Variants in FBXO47 observed in about 807,000 individuals in gnomAD.
The protein encoded by FBXO47 is F-box only protein 47.
Under a neutral mutation model 53.9 loss-of-function variants are expected in FBXO47, and 34 were observed. The ratio of observed to expected loss-of-function variants is 0.63; its 90% CI spans 0.48 to 0.84. The LOEUF is 0.84. Among genes scored for constraint, FBXO47 ranks in the 40% least tolerant of loss-of-function variants. The pLI, the probability that FBXO47 is intolerant of heterozygous loss-of-function variation, is 0.00. For synonymous variants in FBXO47, 165 were observed against 181.6 expected, an observed-to-expected ratio of 0.91 and a Z score of 0.73; for missense variants, 485 against 541.3, an observed-to-expected ratio of 0.90 and a Z score of 1.03.
chr17:38,949,157 C>T (rs180963441), intron 6 of FBXO47, among the ~76,000 whole-genome samples: 23 of 152,176 alleles, frequency 1.5e-4, no homozygotes, highest in African/African-American at 5.1e-4. Flanking sequence ...TGGCTCATGC[C>T]TGTAATTCCA....
intron 9 of FBXO47, among the ~76,000 whole-genome samples, chr17:38,942,284 AT>A (rs1207764057): frequency 4.6e-5 from 7 of 152,132 alleles, no homozygotes; most frequent in Admixed American, 3.3e-4. Flanking sequence ...GATTCCAAAT[AT>A]TATAGTTTAT....
intron 10 of FBXO47, among the ~76,000 whole-genome samples, chr17:38,938,153 T>C (rs542724723): frequency 1.1e-3 from 161 of 152,304 alleles, no homozygotes; most frequent in South Asian, 2.1e-3. Flanking sequence ...AAGCCTTAGT[T>C]TTCTCATCTG....
intron 3 of FBXO47, among the ~76,000 whole-genome samples, chr17:38,959,945 T>C (rs1305708244): frequency 2.0e-5 from 3 of 151,988 alleles, no homozygotes; most frequent in Non-Finnish European, 4.4e-5. Context: ...TTTTTTCAGC[T>C]TTCAGCTGGG....
chr17:38,963,272 A>C (rs1342956961), intron 1 of FBXO47, among the ~76,000 whole-genome samples: 5 of 151,588 alleles, frequency 3.3e-5, no homozygotes, highest in Non-Finnish European at 7.4e-5. Context: ...CCACCTCCCG[A>C]GTTCAAGTGG....
chr17:38,955,748 A>T (rs1274958127), intron 4 of FBXO47, among the ~76,000 whole-genome samples: 1 of 151,726 alleles, frequency 6.6e-6, no homozygotes, highest in Non-Finnish European at 1.5e-5. Context: ...TCACGAGGTC[A>T]GGAGTTCGAG....
chr17:38,951,817 A>G, intron 5 of FBXO47, 128 bp from the exon 6 acceptor site: 1 of 598,372 alleles, frequency 1.7e-6, no homozygotes, highest in South Asian at 2.0e-5. Flanking sequence ...GATCACCTGC[A>G]GTCAGGAGTT....
rs1030024882 is a variant in FBXO47, at chr17:38,951,044, G to T, written c.616+537C>A. Among the ~76,000 whole-genome samples, 3 of 151,980 alleles carry T rather than the reference G, an allele frequency of 2.0e-5. No individual in the cohort carries two copies. The South Asian group carries it at 6.2e-4, about 32-fold the overall frequency. ...GCCTCCTGAGCAGCTGAAACTACAG[G>T]TACATGCTATCATGGCTGGCTAATT... On this transcript the variant is annotated intron_variant, in intron 6 of 10. Coordinates refer to ENST00000378079, the MANE Select transcript of FBXO47 (RefSeq NM_001008777.3).
At chr17:38,949,761 G>T (rs1905144115) in intron 6 of FBXO47, among the ~76,000 whole-genome samples, 1 of 152,148 alleles carries the variant, frequency 6.6e-6, no homozygotes, top group Admixed American at 6.6e-5. Flanking sequence ...CTGAGACAGT[G>T]TCTCACTCCA....
In FBXO47 at chr17:38,967,381, G is replaced by C. The variant is rs1013505375; in HGVS notation, c.-179C>G. ...AGGCGAGAGGGTCACACTCCCGTAGGCTCCGGAGCTGCAGCCCTACCCACC... is the reference window on the plus strand; with the variant it reads ...AGGCGAGAGGGTCACACTCCCGTAGCCTCCGGAGCTGCAGCCCTACCCACC... On this transcript the variant is annotated 5_prime_UTR_variant, in exon 1 of 11. Coordinates refer to ENST00000378079, the MANE Select transcript of FBXO47 (RefSeq NM_001008777.3). 3.9e-5 allele frequency: 6 copies of C among 152,040 alleles called. No individual in the cohort carries two copies. Among genetic ancestry groups the C allele is most frequent in the Admixed American group, 3.3e-4 (5 of 15,246 alleles). 9.4% of individuals were successfully genotyped at this position (152,040 alleles called of 1,614,324 possible).
intron 6 of FBXO47, among the ~76,000 whole-genome samples, chr17:38,947,048 A>AT (rs1567717637): frequency 6.1e-5 from 8 of 131,830 alleles, no homozygotes; most frequent in African/African-American, 2.5e-4. Flanking sequence ...GTAAATATAT[A>AT]AAAACATATA....
At position 38,955,215 on chromosome 17, in the gene FBXO47, G is replaced by A. The variant is rs910466040; in HGVS notation, c.430-282C>T. 2.6e-5 allele frequency among the ~76,000 whole-genome samples: 4 copies of A among 151,884 alleles called. No individual in the cohort carries two copies. In the South Asian group the frequency reaches 6.2e-4, roughly 24 times the overall value. ...ATCCTGGCTAACATGGTGAAGCTCCGTCTCTGCTAAAAATACACAAAAATT... is the reference window on the plus strand; with the variant it reads ...ATCCTGGCTAACATGGTGAAGCTCCATCTCTGCTAAAAATACACAAAAATT... On this transcript the variant is annotated intron_variant, in intron 4 of 10. Transcript: ENST00000378079.
chr17:38,939,924 C>T (rs2143881086), intron 9 of FBXO47, among the ~76,000 whole-genome samples: 1 of 151,806 alleles, frequency 6.6e-6, no homozygotes, highest in South Asian at 2.1e-4. Flanking sequence ...GCCTCGGCCT[C>T]CCAAAGTGCT....
chr17:38,961,895 C>G lies in FBXO47; in HGVS notation c.334G>C (p.Glu112Gln). 1 of 1,613,670 alleles carries G rather than the reference C, an allele frequency of 6.2e-7. No individual in the cohort carries two copies. Among genetic ancestry groups the G allele is most frequent in the Middle Eastern group, 1.6e-4 (1 of 6,062 alleles). Residue 112 changes from glutamate to glutamine, a missense_variant, in exon 3 of 11, where the codon GAG becomes CAG. Physicochemically the swap from Glu to Gln is conservative, Grantham distance 29. Coordinates refer to ENST00000378079, the MANE Select transcript of FBXO47 (RefSeq NM_001008777.3). ...PDRRQDSAIL[E>Q]HYRSLGLLFK... ...AAGTTACCTAGAGATCTGTAGTGCTCCAGTATAGCAGAGTCTTGTCTCCTG... is the reference window on the plus strand; with the variant it reads ...AAGTTACCTAGAGATCTGTAGTGCTGCAGTATAGCAGAGTCTTGTCTCCTG...
chr17:38,952,990 T>C (rs9899905), intron 5 of FBXO47, among the ~76,000 whole-genome samples: 24,973 of 151,408 alleles, frequency 0.16, 2,355 homozygotes, highest in Middle Eastern at 0.34. Context: ...CAAAACACTT[T>C]CATTGGCTGG....
In FBXO47 at chr17:38,937,310, G is replaced by A. The variant is rs777904063; in HGVS notation, c.1244-20C>T. The A allele has an allele frequency of 2.9e-5, 31 of 1,053,302 alleles. 1 individual carries two copies. In the South Asian group the frequency reaches 4.7e-4, roughly 16 times the overall value. 65.2% of individuals were successfully genotyped at this position (1,053,302 alleles called of 1,614,324 possible). A position where few individuals can be genotyped will look rare whatever the true frequency, so the allele number is the denominator to read the frequency against. On this transcript the variant is annotated intron_variant, in intron 10 of 10. Transcript: ENST00000378079. Reference sequence around the variant, plus strand: ...GGTCTCCTATATGCCATACATAGTGGGGAAAAGAAAATGACAGTTAAAATG... The same window carrying A: ...GGTCTCCTATATGCCATACATAGTGAGGAAAAGAAAATGACAGTTAAAATG...
At position 38,952,815 on chromosome 17, in the gene FBXO47, C is replaced by CTTTTTTTTTTTTTTTTTTTTTTTTTT. The variant is rs139105548; in HGVS notation, c.508-1127_508-1126insAAAAAAAAAAAAAAAAAAAAAAAAAA. Among the ~76,000 whole-genome samples, 4 of 115,352 alleles carry CTTTTTTTTTTTTTTTTTTTTTTTTTT rather than the reference C, an allele frequency of 3.5e-5. 1 individual carries two copies. The East Asian group carries it at 1.1e-3, about 32-fold the overall frequency. 75.7% of individuals were successfully genotyped at this position (115,352 alleles called of 152,430 possible). ...GACAATTCTGAGCATTTATTTATGA[C>CTTTTTTTTTTTTTTTTTTTTTTTTTT]TTTTTTTTTTTTTTTTTTTGTAGAG... On this transcript the variant is annotated intron_variant, in intron 5 of 10. Coordinates refer to ENST00000378079, the MANE Select transcript of FBXO47 (RefSeq NM_001008777.3).
In FBXO47 at chr17:38,937,012, A is replaced by C. The variant is rs1915595626; in HGVS notation, c.*163T>G. The C allele has an allele frequency of 2.4e-6, 1 of 414,256 alleles. No homozygotes were observed. Among genetic ancestry groups the C allele is most frequent in the Non-Finnish European group, 4.3e-6 (1 of 234,186 alleles). The allele number at this position is 414,256 out of a possible 1,614,324, so 25.7% of individuals were successfully genotyped here. ...GAGGCTGCCTGTTATTTTTATATTA[A>C]TAATGATGTACGTAGTTGCTTCTAA... On this transcript the variant is annotated 3_prime_UTR_variant, in exon 11 of 11. Transcript: ENST00000378079.
At chr17:38,961,299 G>A (rs1311521696) in intron 3 of FBXO47, among the ~76,000 whole-genome samples, 1 of 152,116 alleles carries the variant, frequency 6.6e-6, no homozygotes, top group African/African-American at 2.4e-5. Flanking sequence ...GTCAAAATTA[G>A]AATTTTACTT....
Position 38,939,162 on chromosome 17 carries a change from G to A in FBXO47, c.1084-430C>T, listed in dbSNP as rs191996080. Among the ~76,000 whole-genome samples the A allele has an allele frequency of 1.4e-4, 21 of 149,050 alleles. No individual in the cohort carries two copies. In the East Asian group the frequency reaches 3.1e-3, roughly 22 times the overall value. ...ACAAAAATTAGCCAGACATGGTAGC[G>A]AGCACCTATAATCCCACCTACTCAG... is the stretch of plus-strand genomic sequence containing the variant. On this transcript the variant is annotated intron_variant, in intron 9 of 10. Transcript: ENST00000378079.
Sources: allele counts gnomAD v4.1 joint callset (sites outside exome capture counted in the v4.1 genomes callset), GRCh38; gene constraint gnomAD v4.1.1; transcripts MANE v1.5; gene names NCBI Gene and HGNC (gene_info 2026-07-23, HGNC 2026-07-21).